The following SOD2 variants were observed in gnomAD, a reference collection of about 807,000 sequenced individuals.
The protein encoded by SOD2 is superoxide dismutase [Mn], mitochondrial.
Under a neutral mutation model 27.0 loss-of-function variants are expected in SOD2, and 11 were observed. The ratio of observed to expected loss-of-function variants is 0.41; its 90% CI spans 0.26 to 0.67. The LOEUF (loss-of-function observed/expected upper bound fraction) is 0.67. Ranked by LOEUF, SOD2 falls within the 30% of genes least tolerant of loss-of-function variation. The pLI is 0.34. For missense variants in SOD2, 250 were observed against 274.5 expected, an observed-to-expected ratio of 0.91 and a Z score of 0.63; for synonymous variants, 105 against 103.0, an observed-to-expected ratio of 1.02 and a Z score of -0.12.
At chr6:159,741,824 C>T (rs1337356677) in intron 1 of SOD2, 1 of 295,230 alleles carries the variant, frequency 3.4e-6, no homozygotes, top group Non-Finnish European at 6.3e-6. Flanking sequence ...CCCATCTCTA[C>T]AAAAAAATGA....
chr6:159,727,354 A>G, upstream of SOD2: 1 of 945,192 alleles, frequency 1.1e-6, no homozygotes, highest in Non-Finnish European at 1.3e-6. Context: ...CAGAAGGCGA[A>G]CATGGCGGAG....
intron 3 of SOD2, 37 bp downstream of exon 3, chr6:159,688,089 A>G (rs1443559364): frequency 1.8e-6 from 2 of 1,126,042 alleles, no homozygotes; most frequent in Admixed American, 1.8e-5. Context: ...CCTACTGTGC[A>G]CAAAATGTAG....
At chr6:159,731,617 T>A (rs554369803), upstream of SOD2, among the ~76,000 whole-genome samples, 1 of 152,362 alleles carries the variant, frequency 6.6e-6, no homozygotes, top group South Asian at 2.1e-4. Flanking sequence ...CTCTTCAGGT[T>A]TTTCAAGAAA....
intron 1 of SOD2, among the ~76,000 whole-genome samples, chr6:159,750,462 C>T (rs1014776579): frequency 1.3e-5 from 2 of 152,090 alleles, no homozygotes; most frequent in African/African-American, 4.8e-5. Context: ...GTGTCACTCC[C>T]GGATGTGACC....
chr6:159,728,902 G>A (rs1249494429), upstream of SOD2, among the ~76,000 whole-genome samples: 2 of 152,180 alleles, frequency 1.3e-5, no homozygotes, highest in Non-Finnish European at 2.9e-5. Context: ...ATTTGGACAA[G>A]CTACCAGAAT....
At chr6:159,710,622 C>T (rs756769112) in intron 1 of SOD2, among the ~76,000 whole-genome samples, 2 of 152,120 alleles carry the variant, frequency 1.3e-5, no homozygotes, top group Non-Finnish European at 2.9e-5. Flanking sequence ...CCTTCTCTAC[C>T]TAACCAAGCT....
At chr6:159,698,395 G>A (rs9364532) in intron 1 of SOD2, among the ~76,000 whole-genome samples, 35,255 of 151,010 alleles carry the variant, frequency 0.23, 4,238 homozygotes, top group East Asian at 0.4. Context: ...GGAACAGAGC[G>A]AGACTCCATC....
intron 1 of SOD2, among the ~76,000 whole-genome samples, chr6:159,718,747 A>G (rs550165625): frequency 1.3e-5 from 2 of 152,320 alleles, no homozygotes; most frequent in Admixed American, 1.3e-4. Flanking sequence ...TATGCTTGAC[A>G]CAAACTAAGG....
intron 1 of SOD2, among the ~76,000 whole-genome samples, chr6:159,711,734 A>T (rs1410861396): frequency 4.3e-4 from 45 of 105,364 alleles, no homozygotes; most frequent in African/African-American, 1.6e-3. Context: ...CCACCTCCAC[A>T]ACCACCACTC....
chr6:159,693,670 T>G (rs1583023942), upstream of SOD2, among the ~76,000 whole-genome samples: 1 of 152,044 alleles, frequency 6.6e-6, no homozygotes, highest in African/African-American at 2.4e-5. Context: ...GGCCGCGGGG[T>G]CCAGAGGCCT....
chr6:159,741,480 G>A (rs559077881), intron 1 of SOD2: 1 of 152,112 alleles, frequency 6.6e-6, no homozygotes, highest in South Asian at 2.1e-4. Flanking sequence ...GTTCTAAGTG[G>A]ACAACATATG....
intron 1 of SOD2, among the ~76,000 whole-genome samples, chr6:159,724,771 G>C (rs1328612201): frequency 6.6e-6 from 1 of 151,784 alleles, no homozygotes; most frequent in African/African-American, 2.4e-5. Context: ...AGGATTGCTT[G>C]AGCCCAGGAA....
At chr6:159,715,374 G>C (rs1413769981) in intron 1 of SOD2, among the ~76,000 whole-genome samples, 3 of 152,124 alleles carry the variant, frequency 2.0e-5, no homozygotes. Flanking sequence ...TTAAGGCCCA[G>C]TGCTCTCCTC....
At chr6:159,759,409 C>T (rs1367027983) in intron 1 of SOD2, among the ~76,000 whole-genome samples, 8 of 149,638 alleles carry the variant, frequency 5.3e-5, no homozygotes, top group African/African-American at 9.8e-5. Flanking sequence ...CGGTGGCTCA[C>T]GCCTGTAATC....
At chr6:159,726,715 A>G (rs1778185385) in intron 1 of SOD2, 1 of 1,244,824 alleles carries the variant, frequency 8.0e-7, no homozygotes, top group Non-Finnish European at 1.0e-6. Flanking sequence ...GACACAGCGC[A>G]ACCTCCGACG....
At position 159,674,210 on chromosome 6, in the gene SOD2, A is replaced by G. The variant is rs1779728936; in HGVS notation, c.*8283T>C. ...CATTCCTTCTGAAACTATTCCAATC[A>G]ATAGAAAAAGAGGGAATCCTCCCTA... On this transcript the variant is annotated 3_prime_UTR_variant, in exon 5 of 5. Coordinates refer to ENST00000538183, the MANE Select transcript of SOD2 (RefSeq NM_000636.4). 6.6e-6 allele frequency: 1 copy of G among 152,250 alleles called. No individual in the cohort carries two copies. The highest frequency in any genetic ancestry group is 2.4e-5 in the African/African-American group (1 of 41,470). The allele number at this position is 152,250 out of a possible 1,614,324, so 9.4% of individuals were successfully genotyped here. A position where few individuals can be genotyped will look rare whatever the true frequency, so the allele number is the denominator to read the frequency against.
In SOD2 at chr6:159,734,085, C is replaced by T. The variant is rs565684488; in HGVS notation, c.-116+11045G>A. 1.1e-4 allele frequency among the ~76,000 whole-genome samples: 16 copies of T among 152,176 alleles called. No homozygotes were observed. The South Asian group carries it at 1.9e-3, about 18-fold the overall frequency. On this transcript the variant is annotated intron_variant, in intron 1 of 3. Coordinates refer to the SOD2 transcript ENST00000537657. Reference sequence around the variant, plus strand: ...TTTATAAAGTGGAGTTGAGATTGTACGTAGTATAAAACATGCTGTTGGAAG... The same window carrying T: ...TTTATAAAGTGGAGTTGAGATTGTATGTAGTATAAAACATGCTGTTGGAAG...
rs1427307089 is a variant in SOD2 at position 159,692,748 on chromosome 6, T to G, written c.139A>C (p.Met47Leu). ...TGGTGCTTGCTGTGGTGCAGCTGCA[T>G]GATCTGCGCGTTGATGTGAGGTTCC... The part of the protein sequence containing the change: ...ALEPHINAQI[M>L]QLHHSKHHAA... Residue 47 changes from methionine to leucine, a missense_variant, in exon 2 of 5, where the codon ATG becomes CTG. Physicochemically the swap from Met to Leu is conservative, Grantham distance 15 (BLOSUM62 2). Transcript: ENST00000538183. 2 of 1,614,034 alleles carry G rather than the reference T, an allele frequency of 1.2e-6. No homozygotes were observed. Among genetic ancestry groups the G allele is most frequent in the Admixed American group, 1.7e-5 (1 of 60,004 alleles).
At chr6:159,690,183 A>G (rs1780386501) in intron 2 of SOD2, among the ~76,000 whole-genome samples, 1 of 149,490 alleles carries the variant, frequency 6.7e-6, no homozygotes, top group South Asian at 2.2e-4. Flanking sequence ...GCTACTCAGG[A>G]GGCTGAGGCA....
Sources: allele counts gnomAD v4.1 joint callset (sites outside exome capture counted in the v4.1 genomes callset), GRCh38; gene constraint gnomAD v4.1.1; transcripts MANE v1.5; gene names NCBI Gene and HGNC (gene_info 2026-07-23, HGNC 2026-07-21).